The following GMDS variants were observed in gnomAD, a reference collection of about 807,000 sequenced individuals.
GMDS encodes the protein GDP-mannose 4,6-dehydratase, also known as GDP-mannose 4,6 dehydratase.
A neutral mutation model predicts 49.9 loss-of-function variants in GMDS; 20 were observed. That is an observed-to-expected ratio of 0.40 (90% confidence interval 0.28 to 0.58). The LOEUF (loss-of-function observed/expected upper bound fraction) is 0.58, where lower values mean the gene tolerates loss of function less well. Among genes scored for constraint, GMDS ranks in the 20% least tolerant of loss-of-function variants. The probability of loss-of-function intolerance (pLI) is 0.42; values close to 1 mark genes in which losing one functional copy is unlikely to be tolerated. For synonymous variants in GMDS, 177 were observed against 178.6 expected (o/e 0.99, Z 0.07); for missense variants, 362 against 481.4 (o/e 0.75, Z 2.32).
At chr6:1,906,117 G>A (rs1760765492) in intron 7 of GMDS, among the ~76,000 whole-genome samples, 1 of 152,218 alleles carries the variant, frequency 6.6e-6, no homozygotes, top group African/African-American at 2.4e-5. Context: ...TGTTAGCTTT[G>A]TTGATTAGTC....
intron 1 of GMDS, among the ~76,000 whole-genome samples, chr6:2,140,399 T>C (rs1171556473): frequency 6.6e-6 from 1 of 152,204 alleles, no homozygotes. Context: ...CTTTCTGACA[T>C]ACACCTTGAT....
chr6:2,080,738 G>A (rs1772641939), intron 4 of GMDS, among the ~76,000 whole-genome samples: 1 of 152,132 alleles, frequency 6.6e-6, no homozygotes, highest in African/African-American at 2.4e-5. Context: ...TGGGCCCCAA[G>A]GCAGTGTACA....
At chr6:2,049,967 A>C (rs767799112) in intron 4 of GMDS, among the ~76,000 whole-genome samples, 4 of 152,192 alleles carry the variant, frequency 2.6e-5, no homozygotes, top group Non-Finnish European at 5.9e-5. Context: ...CAATTAACAG[A>C]ACTAGAGAAG....
At position 1,756,421 on chromosome 6, in the gene GMDS, G is replaced by A. The variant is rs1381728866; in HGVS notation, c.772-13835C>T. Among the ~76,000 whole-genome samples the A allele has an allele frequency of 3.3e-5, 5 of 152,146 alleles. No homozygotes were observed. The East Asian group carries it at 9.6e-4, about 29-fold the overall frequency. On this transcript the variant is annotated intron_variant, in intron 7 of 10. Coordinates refer to ENST00000380815, the MANE Select transcript of GMDS (RefSeq NM_001500.4). ...TGGAATTACAGGCACCTACCACCAC[G>A]TCCAGCTAATTTTTGTGTGTGTTTT...
chr6:2,064,022 T>C (rs1364012477), intron 4 of GMDS, among the ~76,000 whole-genome samples: 1 of 152,170 alleles, frequency 6.6e-6, no homozygotes, highest in African/African-American at 2.4e-5. Context: ...TCTAAATAGG[T>C]GATCTACAAA....
At chr6:1,691,923 A>G (rs1444959842) in intron 9 of GMDS, among the ~76,000 whole-genome samples, 1 of 152,110 alleles carries the variant, frequency 6.6e-6, no homozygotes, top group Admixed American at 6.6e-5. Flanking sequence ...TGAAGGATGC[A>G]AAGTATTGTT....
intron 7 of GMDS, among the ~76,000 whole-genome samples, chr6:1,790,116 A>C (rs551970833): frequency 6.6e-6 from 1 of 151,984 alleles, no homozygotes; most frequent in African/African-American, 2.4e-5. Context: ...CATCCCGAAA[A>C]CCTCACTCTT....
At chr6:2,182,045 G>C (rs1778568135) in intron 1 of GMDS, among the ~76,000 whole-genome samples, 1 of 152,248 alleles carries the variant, frequency 6.6e-6, no homozygotes. Context: ...TACTACTCCA[G>C]TGTACATACA....
chr6:2,212,757 T>G (rs1780130321), intron 1 of GMDS, among the ~76,000 whole-genome samples: 1 of 150,270 alleles, frequency 6.7e-6, no homozygotes, highest in Non-Finnish European at 1.5e-5. Flanking sequence ...AGCTTACTAC[T>G]TGAAAACAAC....
At chr6:1,655,059 CAAAAA>C (rs66508419) in intron 9 of GMDS, among the ~76,000 whole-genome samples, 1 of 117,320 alleles carries the variant, frequency 8.5e-6, no homozygotes, top group Non-Finnish European at 1.7e-5. Context: ...GATACCGTCT[CAAAAA>C]AAAAAAAAAA....
chr6:2,182,077 C>G (rs1475295720), intron 1 of GMDS, among the ~76,000 whole-genome samples: 2 of 152,198 alleles, frequency 1.3e-5, no homozygotes, highest in Non-Finnish European at 2.9e-5. Context: ...AGTGAAACAG[C>G]CTTACTGCTG....
chr6:1,955,870 T>C (rs1254802398), intron 6 of GMDS, among the ~76,000 whole-genome samples: 1 of 149,452 alleles, frequency 6.7e-6, no homozygotes, highest in Non-Finnish European at 1.5e-5. Context: ...AGCTCAGGAG[T>C]TGTGGTTGTT....
chr6:2,147,538 C>T (rs936209040), intron 1 of GMDS, among the ~76,000 whole-genome samples: 9 of 151,746 alleles, frequency 5.9e-5, no homozygotes, highest in African/African-American at 2.2e-4. Context: ...ATTTTGAAAC[C>T]TTAGCATTAA....
chr6:1,715,726 G>C (rs760897586), intron 9 of GMDS, among the ~76,000 whole-genome samples: 22 of 152,162 alleles, frequency 1.4e-4, no homozygotes, highest in Non-Finnish European at 2.4e-4. Flanking sequence ...TTGAGAGCTG[G>C]GAATAAAAGG....
chr6:1,626,219 C>T (rs1441061411), intron 9 of GMDS: 1 of 152,272 alleles, frequency 6.6e-6, no homozygotes, highest in African/African-American at 2.4e-5. Flanking sequence ...GCGACTCTCG[C>T]TGTCGTTCTC....
At chr6:2,127,140 A>G (rs2127513276) in intron 1 of GMDS, among the ~76,000 whole-genome samples, 1 of 152,308 alleles carries the variant, frequency 6.6e-6, no homozygotes, top group Non-Finnish European at 1.5e-5. Flanking sequence ...AGACCATGAC[A>G]AGCCAAGTCG....
intron 9 of GMDS, among the ~76,000 whole-genome samples, chr6:1,660,041 C>T (rs186893720): frequency 5.3e-5 from 8 of 152,154 alleles, no homozygotes; most frequent in East Asian, 3.9e-4. Context: ...GCATGCGTCA[C>T]GTGGCTCCCC....
At chr6:1,876,716 A>G (rs1201259553) in intron 7 of GMDS, among the ~76,000 whole-genome samples, 1 of 152,242 alleles carries the variant, frequency 6.6e-6, no homozygotes, top group African/African-American at 2.4e-5. Flanking sequence ...TACAATATAA[A>G]TGCTAGATGT....
In GMDS at chr6:1,644,597, C is replaced by T. The variant is rs117769633; in HGVS notation, c.988-20057G>A. ...GCCAACATTTCTCAGCATCTCCTGT[C>T]GGGAGGAGCCAGGTACCGTCCCACA... On this transcript the variant is annotated intron_variant, in intron 9 of 10. Transcript: ENST00000380815. 1.7e-4 allele frequency among the ~76,000 whole-genome samples: 26 copies of T among 152,320 alleles called. No homozygotes were observed. The East Asian group carries it at 4.8e-3, about 28-fold the overall frequency.
Sources: gnomAD v4.1 joint callset for allele counts (sites outside exome capture counted in the v4.1 genomes callset) on GRCh38, gnomAD v4.1.1 for gene constraint, MANE v1.5 for transcripts, NCBI Gene and HGNC (gene_info 2026-07-23, HGNC 2026-07-21) for gene names.